Variants in KIRREL2 observed in about 807,000 individuals in gnomAD.
KIRREL2 encodes the protein kin of IRRE-like protein 2.
A neutral mutation model predicts 73.4 loss-of-function variants in KIRREL2; 56 were observed. The observed-to-expected ratio is 0.76, with a 90% CI of 0.62 to 0.95. KIRREL2 has a LOEUF of 0.95. KIRREL2 is among the 40% of genes least tolerant of loss of function. The pLI, the probability that KIRREL2 is intolerant of heterozygous loss-of-function variation, is 0.00. For synonymous variants in KIRREL2, 407 were observed against 404.0 expected, an observed-to-expected ratio of 1.01 and a Z score of -0.09; for missense variants, 896 against 935.0, an observed-to-expected ratio of 0.96 and a Z score of 0.54.
At chr19:35,856,184 T>G (rs1973414313), upstream of KIRREL2, among the ~76,000 whole-genome samples, 1 of 152,148 alleles carries the variant, frequency 6.6e-6, no homozygotes, top group Non-Finnish European at 1.5e-5. This position sits in a 1 kb window ranked among gnomAD's most constrained non-coding sequence, Gnocchi z 5.9. Flanking sequence ...CTGGGCTGCA[T>G]GGAGCCGTCA....
chr19:35,860,557 G>A lies in KIRREL2; in HGVS notation c.818G>A (p.Gly273Glu). Residue 273 changes from glycine to glutamate, a missense_variant, in exon 7 of 15, where the codon GGG becomes GAG. Gly to Glu is a moderately conservative substitution (Grantham distance 98). Coordinates refer to ENST00000360202, the MANE Select transcript of KIRREL2 (RefSeq NM_199180.4). ...KGGSPVLGARGPRLEVVADAS... is the reference protein window; with the variant it reads ...KGGSPVLGAREPRLEVVADAS... Reference sequence around the variant, plus strand: ...GGCTCTCCGGTGCTCGGGGCCCGCGGGCCAAGGTTAGAGGTCGTGGCAGAC... The same window carrying A: ...GGCTCTCCGGTGCTCGGGGCCCGCGAGCCAAGGTTAGAGGTCGTGGCAGAC... 1.2e-6 allele frequency: 2 copies of A among 1,603,410 alleles called. No homozygotes were observed. The highest frequency in any genetic ancestry group is 2.2e-5 in the South Asian group (2 of 91,080).
In KIRREL2 at chr19:35,863,034, C is replaced by T. The variant is rs753993342; in HGVS notation, c.1723C>T (p.Arg575Trp). Residue 575 changes from arginine to tryptophan, a missense_variant and splice_region_variant, in exon 13 of 15, where the codon CGG becomes TGG. Arg to Trp is a moderately radical substitution (Grantham distance 101). Coordinates refer to ENST00000360202, the MANE Select transcript of KIRREL2 (RefSeq NM_199180.4). ...EEEETGSREDRGPIVHTDHSD... is the reference protein window; with the variant it reads ...EEEETGSREDWGPIVHTDHSD... ...AGAGGAGACAGGCAGCCGCGAGGAC[C>T]GGGTAGGATGCCAGGGTCCCCAGAC... is the stretch of plus-strand genomic sequence containing the variant. The T allele has an allele frequency of 2.8e-5, 43 of 1,556,456 alleles. No homozygotes were observed. The highest frequency in any genetic ancestry group is 3.4e-5 in the Non-Finnish European group (39 of 1,142,786).
chr19:35,853,930 C>T (rs532719737), upstream of KIRREL2, among the ~76,000 whole-genome samples: 8 of 147,370 alleles, frequency 5.4e-5, no homozygotes, highest in East Asian at 4.0e-4. Context: ...CTGTAACCTC[C>T]GCCTCCCAGG....
At chr19:35,864,486 G>C in intron 13 of KIRREL2, among the ~76,000 whole-genome samples, 162 bp from the exon 14 acceptor site, 1 of 152,104 alleles carries the variant, frequency 6.6e-6, no homozygotes, top group Non-Finnish European at 1.5e-5. Context: ...CACTGTGCTG[G>C]CTTCTTACAG....
chr19:35,854,636 A>G (rs1249001734), upstream of KIRREL2, among the ~76,000 whole-genome samples: 2 of 152,026 alleles, frequency 1.3e-5, no homozygotes, highest in Non-Finnish European at 2.9e-5. Flanking sequence ...TTATCTTTCT[A>G]TCTTTCTCCA....
At position 35,861,636 on chromosome 19, in the gene KIRREL2, G is replaced by A; in HGVS notation, c.1285G>A (p.Ala429Thr). ...GGTTTTCGCCTCTCCCGCCCCAGAT[G>A]CCGTGGTAAGGAAATGTCACTCCTC... ...CLVFASPAPD[A>T]VVWSWDEGFL... The change falls in exon 10 of 15, where the codon GCC (alanine) becomes ACC (threonine). Residue 429 changes from alanine to threonine, a missense_variant. By Grantham distance (58) the Ala-to-Thr change is moderately conservative (BLOSUM62 0). Coordinates refer to ENST00000360202, the MANE Select transcript of KIRREL2 (RefSeq NM_199180.4). 1 of 1,612,722 alleles carries A rather than the reference G, an allele frequency of 6.2e-7. No homozygotes were observed. The highest frequency in any genetic ancestry group is 1.1e-5 in the South Asian group (1 of 90,946).
intron 13 of KIRREL2, among the ~76,000 whole-genome samples, 195 bp downstream of exon 13, chr19:35,863,231 G>A (rs566478409): frequency 6.6e-5 from 10 of 152,128 alleles, no homozygotes; most frequent in African/African-American, 2.4e-4. Flanking sequence ...CAGCATAGCA[G>A]GACCCCATCT....
intron 11 of KIRREL2, 134 bp downstream of exon 11, chr19:35,862,158 C>A: frequency 1.4e-6 from 1 of 724,410 alleles, no homozygotes; most frequent in Non-Finnish European, 2.2e-6. Context: ...AGTCTCAAAA[C>A]TGTGGGCTCA....
chr19:35,851,492 A>G, upstream of KIRREL2: 1 of 1,613,640 alleles, frequency 6.2e-7, no homozygotes, highest in Non-Finnish European at 8.5e-7. Flanking sequence ...GTACCTCGGG[A>G]AGCCTGGGAT....
chr19:35,861,582 C>T lies in KIRREL2; in HGVS notation c.1231C>T (p.Leu411=). ...VTALHSAPAF[L]RGPARLQCLV... Reference sequence around the variant, plus strand: ...CGCCCTGCACTCTGCGCCTGCCTTCCTGAGGGGCCCTGCTCGCCTCCAGTG... The same window carrying T: ...CGCCCTGCACTCTGCGCCTGCCTTCTTGAGGGGCCCTGCTCGCCTCCAGTG... Residue 411 remains leucine (L), a synonymous_variant, in exon 10 of 15, where the codon CTG becomes TTG. Coordinates refer to ENST00000360202, the MANE Select transcript of KIRREL2 (RefSeq NM_199180.4). The T allele has an allele frequency of 6.2e-7, 1 of 1,613,762 alleles. No individual in the cohort carries two copies. The highest frequency in any genetic ancestry group is 8.5e-7 in the Non-Finnish European group (1 of 1,179,914).
Position 35,857,106 on chromosome 19 carries a change from A to T in KIRREL2, c.-14A>T, listed in dbSNP as rs1973451232. ...GCCAGTGCGACGGCAAATCTCGTGA[A>T]CCTTGGGGGACGAATGCTCAGGATG... is the stretch of plus-strand genomic sequence containing the variant. On this transcript the variant is annotated 5_prime_UTR_variant, in exon 1 of 15. Transcript: ENST00000360202. The T allele has an allele frequency of 6.2e-7, 1 of 1,612,866 alleles. No homozygotes were observed. Among genetic ancestry groups the T allele is most frequent in the African/African-American group, 1.3e-5 (1 of 74,454 alleles).
Position 35,861,217 on chromosome 19 carries a change from G to C in KIRREL2, c.1152G>C (p.Leu384=). Residue 384 remains leucine, a synonymous_variant, in exon 9 of 15, where the codon CTG becomes CTC. Transcript: ENST00000360202. ...GAGCTGAGGCTGGGCTATCGGGCCT[G>C]CGGGGCGGCGCCGCGGAGGCTCGGC... ...VCRAEAGLSG[L]RGGAAEARLT... 1 of 1,539,526 alleles carries C rather than the reference G, an allele frequency of 6.5e-7. No individual in the cohort carries two copies.
At chr19:35,858,673 A>T in intron 3 of KIRREL2, 31 bp from the exon 4 acceptor site, 4 of 1,612,536 alleles carry the variant, frequency 2.5e-6, no homozygotes, top group Non-Finnish European at 3.4e-6. Context: ...GAAGATCAGG[A>T]TCCATCTCTG....
Position 35,860,379 on chromosome 19 carries a change from C to T in KIRREL2, c.756C>T (p.Ala252=), listed in dbSNP as rs1253015557. ...EKVIFLCQAT[A]QPPVTGYRWA... is the part of the protein sequence containing the mutation. Reference sequence around the variant, plus strand: ...TCATTTTCCTGTGCCAGGCCACAGCCCAGCCTCCTGTCACAGGCTACAGGT... The same window carrying T: ...TCATTTTCCTGTGCCAGGCCACAGCTCAGCCTCCTGTCACAGGCTACAGGT... Residue 252 remains alanine, a synonymous_variant, in exon 6 of 15, where the codon GCC becomes GCT. Transcript: ENST00000360202. 2 of 1,613,496 alleles carry T rather than the reference C, an allele frequency of 1.2e-6. No homozygotes were observed. Among genetic ancestry groups the T allele is most frequent in the Non-Finnish European group, 1.7e-6 (2 of 1,180,004 alleles).
rs886548283 is a variant in KIRREL2 at position 35,858,848 on chromosome 19, G to A, written c.506G>A (p.Gly169Glu). ...TTCCGAGATGGGGTCCTGTTGGATG[G>A]AGCCACCTTCCATCAGGTCAGGTCC... ...LWFRDGVLLD[G>E]ATFHQTLLKE... Residue 169 changes from glycine (G) to glutamate (E), a missense_variant, in exon 4 of 15, where the codon GGA becomes GAA. Coordinates refer to ENST00000360202, the MANE Select transcript of KIRREL2 (RefSeq NM_199180.4). The A allele has an allele frequency of 6.2e-7, 1 of 1,614,162 alleles. No individual in the cohort carries two copies. Among genetic ancestry groups the A allele is most frequent in the South Asian group, 1.1e-5 (1 of 91,080 alleles).
At chr19:35,856,427 G>A (rs920885700), upstream of KIRREL2, among the ~76,000 whole-genome samples, 5 of 152,186 alleles carry the variant, frequency 3.3e-5, no homozygotes, top group African/African-American at 1.2e-4. This position sits in a 1 kb window ranked among gnomAD's most constrained non-coding sequence, Gnocchi z 5.9. Flanking sequence ...TTGAGGAGGG[G>A]TTTTGAGGCT....
intron 9 of KIRREL2, 84 bp downstream of exon 9, chr19:35,861,338 G>A: frequency 6.6e-7 from 1 of 1,503,804 alleles, no homozygotes; most frequent in Admixed American, 2.3e-5. Context: ...TGCAGTGGGA[G>A]TGGCCTGGAA....
chr19:35,852,649 G>A (rs946505060), upstream of KIRREL2, among the ~76,000 whole-genome samples: 2 of 152,102 alleles, frequency 1.3e-5, no homozygotes, highest in Non-Finnish European at 2.9e-5. Context: ...CAGCCTCCGT[G>A]ACCCCAGGGC....
At chr19:35,862,394 T>C in intron 11 of KIRREL2, 99 bp from the exon 12 acceptor site, 1 of 884,638 alleles carries the variant, frequency 1.1e-6, no homozygotes, top group Non-Finnish European at 1.8e-6. Context: ...TCTTCAAATG[T>C]GCGACCTTTT....
Sources: gnomAD v4.1 joint callset for allele counts (sites outside exome capture counted in the v4.1 genomes callset) on GRCh38, gnomAD v4.1.1 for gene constraint, Gnocchi (gnomAD v3.1) non-coding constraint, MANE v1.5 for transcripts, NCBI Gene and HGNC (gene_info 2026-07-23, HGNC 2026-07-21) for gene names.